Variants in GLI2 observed in about 807,000 individuals in gnomAD.
GLI2 encodes the protein transcription activator GLI2.
Under a neutral mutation model 78.9 loss-of-function variants are expected in GLI2, and 22 were observed. The ratio of observed to expected loss-of-function variants is 0.28; its 90% CI spans 0.20 to 0.40. The LOEUF (loss-of-function observed/expected upper bound fraction) is 0.40, where lower values mean the gene tolerates loss of function less well. Among genes scored for constraint, GLI2 ranks in the 10% least tolerant of loss-of-function variants. The pLI, the probability that GLI2 is intolerant of heterozygous loss-of-function variation, is 1.00. For synonymous variants in GLI2, 974 were observed against 963.7 expected, an observed-to-expected ratio of 1.01 and a Z score of -0.20; for missense variants, 2,097 against 2,213.2, an observed-to-expected ratio of 0.95 and a Z score of 1.05.
At chr2:120,850,946 G>A (rs1407487907) in intron 2 of GLI2, among the ~76,000 whole-genome samples, 1 of 152,172 alleles carries the variant, frequency 6.6e-6, no homozygotes, top group Non-Finnish European at 1.5e-5. Flanking sequence ...AGCTGCCAGA[G>A]GAATTAAGAG....
At chr2:120,765,340 G>A (rs187728521) in intron 1 of GLI2, among the ~76,000 whole-genome samples, 17 of 152,374 alleles carry the variant, frequency 1.1e-4, no homozygotes, top group African/African-American at 3.6e-4. Flanking sequence ...CTGCACAGCC[G>A]ATGGCTGACT....
At chr2:120,962,462 C>T (rs115782044) in intron 5 of GLI2, among the ~76,000 whole-genome samples, 1 of 152,262 alleles carries the variant, frequency 6.6e-6, no homozygotes, top group African/African-American at 2.4e-5. Flanking sequence ...CAGCACTACA[C>T]GAGGGGCTGA....
chr2:120,977,361 T>G (rs966155476), intron 9 of GLI2, among the ~76,000 whole-genome samples: 2 of 152,256 alleles, frequency 1.3e-5, no homozygotes, highest in African/African-American at 4.8e-5. Flanking sequence ...ATTTAGCAGG[T>G]AGTCAATAGA....
intron 2 of GLI2, among the ~76,000 whole-genome samples, chr2:120,856,049 T>A (rs1268657070): frequency 6.6e-6 from 1 of 152,206 alleles, no homozygotes; most frequent in African/African-American, 2.4e-5. Context: ...GTCCCCAGTT[T>A]ACAAAGGGGT....
chr2:120,750,771 C>A (rs1447448881), intron 1 of GLI2, among the ~76,000 whole-genome samples: 2 of 152,226 alleles, frequency 1.3e-5, no homozygotes, highest in East Asian at 3.8e-4. Context: ...CAGAGCCTGC[C>A]CTTCCCAGAA....
chr2:120,869,136 T>C (rs961881275), intron 2 of GLI2, among the ~76,000 whole-genome samples: 27 of 152,270 alleles, frequency 1.8e-4, no homozygotes, highest in African/African-American at 6.3e-4. Context: ...AGGAGACCAT[T>C]TCTGGGCCTG....
At chr2:120,906,286 G>A (rs1030783895) in intron 2 of GLI2, among the ~76,000 whole-genome samples, 3 of 152,202 alleles carry the variant, frequency 2.0e-5, no homozygotes, top group Admixed American at 2.0e-4. Context: ...CCAGCAGGTG[G>A]GTGATGAGGC....
At chr2:120,947,940 C>T (rs1680791954) in intron 3 of GLI2, among the ~76,000 whole-genome samples, 1 of 152,204 alleles carries the variant, frequency 6.6e-6, no homozygotes, top group Non-Finnish European at 1.5e-5. Flanking sequence ...AGGGTTGCTC[C>T]GTACCCTTGA....
At chr2:120,850,148 T>TTGCC (rs1329466042) in intron 2 of GLI2, among the ~76,000 whole-genome samples, 7 of 145,912 alleles carry the variant, frequency 4.8e-5, no homozygotes, top group African/African-American at 1.8e-4. Flanking sequence ...TACAAGAAAA[T>TTGCC]TGCCTGGATC....
chr2:120,870,754 A>AT lies in GLI2; in HGVS notation c.149-56603dup, dbSNP rs372912507. 1.9e-3 allele frequency among the ~76,000 whole-genome samples: 282 copies of AT among 152,078 alleles called. 1 individual carries two copies. The highest frequency in any genetic ancestry group is 6.4e-3 in the African/African-American group (264 of 41,468). The stretch of plus-strand genomic sequence containing the variant: ...TGGTTGCTGTCATCATAGGTGTGTG[A>AT]TTTTCCACAGGTCATATAACCCTCT... On this transcript the variant is annotated intron_variant, in intron 2 of 13. Coordinates refer to ENST00000361492, the MANE Select transcript of GLI2 (RefSeq NM_001374353.1).
intron 1 of GLI2, among the ~76,000 whole-genome samples, chr2:120,739,521 GGCAGGGAGGTGGA>G: frequency 6.6e-6 from 1 of 152,302 alleles, no homozygotes. Flanking sequence ...TGGCTCTTGC[GGCAGGGAGGTGGA>G]GCAAACCAGC....
intron 1 of GLI2, among the ~76,000 whole-genome samples, chr2:120,765,419 G>A (rs995122714): frequency 2.0e-5 from 3 of 152,222 alleles, no homozygotes; most frequent in Non-Finnish European, 2.9e-5. Flanking sequence ...GCTAAAGAGC[G>A]ATCAACCCAG....
chr2:120,794,212 G>A (rs138698777), intron 1 of GLI2, among the ~76,000 whole-genome samples: 2 of 152,296 alleles, frequency 1.3e-5, no homozygotes, highest in African/African-American at 4.8e-5. Context: ...AGGAGGTGAC[G>A]TCTGAGTGGC....
chr2:120,775,096 G>A (rs1683638196), intron 1 of GLI2, among the ~76,000 whole-genome samples: 1 of 152,138 alleles, frequency 6.6e-6, no homozygotes, highest in African/African-American at 2.4e-5. Flanking sequence ...TGGGTATGCC[G>A]GGACCTTGTT....
chr2:120,749,271 AAAAAATATAAGTT>A (rs963954994), intron 1 of GLI2, among the ~76,000 whole-genome samples: 1 of 152,218 alleles, frequency 6.6e-6, no homozygotes, highest in Non-Finnish European at 1.5e-5. Flanking sequence ...CATCTCTCTT[AAAAAATATAAGTT>A]AACCAGGTAG....
At chr2:120,957,081 TC>T (rs921874220) in intron 5 of GLI2, among the ~76,000 whole-genome samples, 9 of 152,296 alleles carry the variant, frequency 5.9e-5, no homozygotes, top group South Asian at 4.1e-4. Flanking sequence ...TCCTCAGCTA[TC>T]TTGAACATCT....
At chr2:120,758,840 C>G (rs1683121098) in intron 1 of GLI2, among the ~76,000 whole-genome samples, 1 of 152,158 alleles carries the variant, frequency 6.6e-6, no homozygotes, top group Non-Finnish European at 1.5e-5. Context: ...CTGGCCACTC[C>G]TACCATCTCG....
At chr2:120,791,113 C>G (rs1460731694) in intron 1 of GLI2, among the ~76,000 whole-genome samples, 1 of 152,170 alleles carries the variant, frequency 6.6e-6, no homozygotes, top group South Asian at 2.1e-4. Flanking sequence ...GGCACACATG[C>G]ATCTCTCATT....
rs1239783603 is a variant in GLI2 at position 120,968,816 on chromosome 2, T to C, written c.746T>C (p.Ile249Thr). The C allele has an allele frequency of 6.2e-7, 1 of 1,613,728 alleles. No homozygotes were observed. The highest frequency in any genetic ancestry group is 2.2e-5 in the East Asian group (1 of 44,866). ...GCCAGCCTGGACCTGCAGCGGATGA[T>C]CCGCACCTCACCCAACTCGCTAGTG... ...SDASLDLQRM[I>T]RTSPNSLVAY... is the part of the protein sequence containing the mutation. Residue 249 changes from isoleucine to threonine, a missense_variant, in exon 6 of 14, where the codon ATC (isoleucine) becomes ACC (threonine). Coordinates refer to ENST00000361492, the MANE Select transcript of GLI2 (RefSeq NM_001374353.1).
Sources: allele counts gnomAD v4.1 joint callset (sites outside exome capture counted in the v4.1 genomes callset), GRCh38; gene constraint gnomAD v4.1.1; transcripts MANE v1.5; gene names NCBI Gene and HGNC (gene_info 2026-07-23, HGNC 2026-07-21).